FAM193A: variants seen among roughly 807,000 people sequenced by gnomAD.
FAM193A encodes the protein family with sequence similarity 193 member A.
FAM193A carries 22 observed loss-of-function variants against 126.5 expected under a neutral mutation model. The ratio of observed to expected loss-of-function variants is 0.17; its 90% confidence interval spans 0.12 to 0.25. The LOEUF (loss-of-function observed/expected upper bound fraction) is 0.25, where lower values mean the gene tolerates loss of function less well. Among genes scored for constraint, FAM193A ranks in the 10% least tolerant of loss-of-function variants. The probability of loss-of-function intolerance (pLI) is 1.00; values close to 1 mark genes in which losing one functional copy is unlikely to be tolerated. For synonymous variants in FAM193A, 761 were observed against 646.8 expected, an observed-to-expected ratio of 1.18 and a Z score of -2.68; for missense variants, 1,675 against 1,672.8, an observed-to-expected ratio of 1.00 and a Z score of -0.02.
intron 7 of FAM193A, among the ~76,000 whole-genome samples, chr4:2,656,493 G>T (rs1577148835): frequency 6.6e-6 from 1 of 152,184 alleles, no homozygotes. Flanking sequence ...GATGATACAG[G>T]GTAGAGCGGC....
intron 13 of FAM193A, among the ~76,000 whole-genome samples, chr4:2,686,765 G>T (rs1188558000): frequency 6.6e-6 from 1 of 152,120 alleles, no homozygotes; most frequent in Non-Finnish European, 1.5e-5. Context: ...AGCTGGGCCG[G>T]CACAATGGGA....
chr4:2,688,826 G>C (rs1200478162), intron 13 of FAM193A, among the ~76,000 whole-genome samples: 1 of 152,254 alleles, frequency 6.6e-6, no homozygotes, highest in Non-Finnish European at 1.5e-5. Flanking sequence ...CTGAGGCAGA[G>C]GGAGGACCCA....
intron 2 of FAM193A, among the ~76,000 whole-genome samples, chr4:2,600,589 C>T (rs1027875591): frequency 1.3e-5 from 2 of 152,156 alleles, no homozygotes; most frequent in African/African-American, 4.8e-5. Context: ...TTGCTCAGCT[C>T]AGCTATTGAC....
At chr4:2,730,199 T>C (rs1721215189) in intron 20 of FAM193A, among the ~76,000 whole-genome samples, 1 of 151,374 alleles carries the variant, frequency 6.6e-6, no homozygotes, top group African/African-American at 2.5e-5. Flanking sequence ...TGAGCCACCA[T>C]GGCCAGCTTC....
intron 20 of FAM193A, among the ~76,000 whole-genome samples, chr4:2,727,903 G>C (rs1720933155): frequency 6.6e-6 from 1 of 151,288 alleles, no homozygotes; most frequent in Non-Finnish European, 1.5e-5. Context: ...TGGGACTACA[G>C]ATGCGCCACC....
chr4:2,586,549 T>C (rs1244206394), intron 1 of FAM193A, among the ~76,000 whole-genome samples: 2 of 152,206 alleles, frequency 1.3e-5, no homozygotes, highest in Non-Finnish European at 2.9e-5. Context: ...ATGTGTTTCA[T>C]ACCTTGGTTA....
chr4:2,663,236 G>A lies in FAM193A; in HGVS notation c.2027G>A (p.Arg676Lys), dbSNP rs758954771. The A allele has an allele frequency of 3.7e-6, 6 of 1,613,720 alleles. No homozygotes were observed. The highest frequency in any genetic ancestry group is 5.1e-6 in the Non-Finnish European group (6 of 1,179,922). ...EDGVLGSRSP[R>K]TEESKADSPP... ...GGAGTGCTGGGAAGCAGGAGCCCCA[G>A]GACAGAGGAGAGCAAAGCAGACAGT... Residue 676 changes from arginine to lysine, a missense_variant, in exon 12 of 21, where the codon AGG (arginine) becomes AAG (lysine). Physicochemically the swap from Arg to Lys is conservative, Grantham distance 26. Transcript: ENST00000637812.
At chr4:2,608,156 T>C (rs1474933102) in intron 2 of FAM193A, 12 of 1,582,726 alleles carry the variant, frequency 7.6e-6, no homozygotes, top group Non-Finnish European at 1.0e-5. Flanking sequence ...AATAAAAAAA[T>C]AAAAATTTAA....
chr4:2,632,121 G>A (rs1475880391), intron 5 of FAM193A, among the ~76,000 whole-genome samples: 4 of 152,138 alleles, frequency 2.6e-5, no homozygotes, highest in African/African-American at 4.8e-5. Flanking sequence ...TCTGAACAGA[G>A]TCCAAAGGTG....
intron 12 of FAM193A, among the ~76,000 whole-genome samples, chr4:2,668,179 A>G (rs545090726): frequency 6.6e-6 from 1 of 151,226 alleles, no homozygotes; most frequent in East Asian, 1.9e-4. Flanking sequence ...TGCTAAGATT[A>G]CACTTAACCA....
intron 6 of FAM193A, among the ~76,000 whole-genome samples, chr4:2,645,498 AT>A (rs1331363658): frequency 6.7e-6 from 1 of 149,928 alleles, no homozygotes; most frequent in Non-Finnish European, 1.5e-5. Flanking sequence ...CTCATTTTCC[AT>A]CTTGCCATCT....
intron 20 of FAM193A, among the ~76,000 whole-genome samples, chr4:2,719,271 T>C (rs1337344439): frequency 6.6e-6 from 1 of 152,138 alleles, no homozygotes; most frequent in East Asian, 1.9e-4. Context: ...GATCACGCCA[T>C]TGAACTCCAA....
intron 1 of FAM193A, among the ~76,000 whole-genome samples, chr4:2,567,504 A>G (rs182678780): frequency 6.6e-6 from 1 of 152,240 alleles, no homozygotes; most frequent in Non-Finnish European, 1.5e-5. Flanking sequence ...TAAAATAATG[A>G]GGTACAATCA....
At chr4:2,672,473 G>A in intron 13 of FAM193A, 101 bp downstream of exon 13, 3 of 1,276,036 alleles carry the variant, frequency 2.4e-6, no homozygotes, top group South Asian at 1.4e-5. Context: ...ACTTGCATAG[G>A]ATAGCATCTG....
At chr4:2,581,344 C>T (rs1739926632) in intron 1 of FAM193A, among the ~76,000 whole-genome samples, 1 of 150,688 alleles carries the variant, frequency 6.6e-6, no homozygotes, top group Non-Finnish European at 1.5e-5. Flanking sequence ...ACCTCCGCCT[C>T]CCAGGTCCAA....
intron 1 of FAM193A, among the ~76,000 whole-genome samples, chr4:2,564,173 C>G (rs985258427): frequency 2.0e-5 from 3 of 152,070 alleles, no homozygotes; most frequent in African/African-American, 7.2e-5. Flanking sequence ...CCTCAACCAC[C>G]CAGGCTCAAG....
Position 2,642,102 on chromosome 4 carries a change from A to G in FAM193A, c.1163+2243A>G, listed in dbSNP as rs921212522. Among the ~76,000 whole-genome samples, 5 of 148,292 alleles carry G rather than the reference A, an allele frequency of 3.4e-5. No individual in the cohort carries two copies. The East Asian group carries it at 5.9e-4, about 18-fold the overall frequency. On this transcript the variant is annotated intron_variant, in intron 6 of 20. Coordinates refer to ENST00000637812, the MANE Select transcript of FAM193A (RefSeq NM_001366318.2). ...TCAGGAGATCGAAACCATCCTGGCT[A>G]ACATGGTGAAACCCCGTCTCTACTA...
intron 1 of FAM193A, among the ~76,000 whole-genome samples, chr4:2,561,211 C>T (rs976550877): frequency 7.9e-5 from 12 of 152,184 alleles, no homozygotes; most frequent in African/African-American, 1.2e-4. Flanking sequence ...AACAGGATCT[C>T]GCTCTGTTGC....
chr4:2,629,849 C>T (rs762824326), intron 4 of FAM193A, among the ~76,000 whole-genome samples: 4 of 152,086 alleles, frequency 2.6e-5, no homozygotes, highest in Admixed American at 6.6e-5. Context: ...TGTGCATTAT[C>T]GGCCGGGTGC....
Sources: allele counts gnomAD v4.1 joint callset (sites outside exome capture counted in the v4.1 genomes callset), GRCh38; gene constraint gnomAD v4.1.1; transcripts MANE v1.5; gene names NCBI Gene and HGNC (gene_info 2026-07-23, HGNC 2026-07-21).